ANO1: variants seen among roughly 807,000 people sequenced by gnomAD.
The protein encoded by ANO1 is anoctamin 1, also known as anoctamin-1.
Under a neutral mutation model 124.0 loss-of-function variants are expected in ANO1, and 59 were observed. The observed-to-expected ratio is 0.48, with a 90% CI of 0.39 to 0.59. The LOEUF is 0.59. Ranked by LOEUF, ANO1 falls within the 20% of genes least tolerant of loss-of-function variation. The pLI, the probability that ANO1 is intolerant of heterozygous loss-of-function variation, is 0.00. For missense variants in ANO1, 1,059 were observed against 1,328.0 expected, an observed-to-expected ratio of 0.80 and a Z score of 3.15; for synonymous variants, 529 against 532.0, an observed-to-expected ratio of 0.99 and a Z score of 0.08.
chr11:70,026,234 ATGG>A (rs1218915780), intron 1 of ANO1, among the ~76,000 whole-genome samples: 2 of 141,164 alleles, frequency 1.4e-5, no homozygotes, highest in East Asian at 4.2e-4. Flanking sequence ...GACAGTAATG[ATGG>A]TGGTGGTGAT....
At chr11:70,099,848 G>T (rs2045188639) in intron 2 of ANO1, among the ~76,000 whole-genome samples, 1 of 152,154 alleles carries the variant, frequency 6.6e-6, no homozygotes, top group African/African-American at 2.4e-5. Flanking sequence ...CCACACAGGG[G>T]CAGGGCAGGA....
At chr11:69,993,522 G>C (rs1327461809) in intron 1 of ANO1, among the ~76,000 whole-genome samples, 2 of 152,154 alleles carry the variant, frequency 1.3e-5, no homozygotes, top group African/African-American at 4.8e-5. Context: ...AATTGATCAA[G>C]GTGTGTGCTA....
intron 1 of ANO1, among the ~76,000 whole-genome samples, chr11:70,039,117 G>T (rs921340081): frequency 6.6e-6 from 1 of 152,148 alleles, no homozygotes; most frequent in Non-Finnish European, 1.5e-5. Context: ...TGCTGGGAAA[G>T]GTTTTCATCC....
chr11:70,040,694 G>C (rs1420120846), intron 1 of ANO1, among the ~76,000 whole-genome samples: 1 of 152,164 alleles, frequency 6.6e-6, no homozygotes, highest in African/African-American at 2.4e-5. Context: ...AAAATAAAAT[G>C]TGACTATTGG....
chr11:70,042,933 C>T (rs1386408836), intron 1 of ANO1, among the ~76,000 whole-genome samples: 1 of 152,136 alleles, frequency 6.6e-6, no homozygotes, highest in Non-Finnish European at 1.5e-5. Flanking sequence ...CACTCAACAA[C>T]ATAAAATTTT....
chr11:70,180,729 GAA>G (rs1410778888), intron 23 of ANO1, among the ~76,000 whole-genome samples: 18 of 152,078 alleles, frequency 1.2e-4, no homozygotes, highest in African/African-American at 4.4e-4. Flanking sequence ...CAGAGGGAGA[GAA>G]ACACAGAGAT....
At position 70,132,070 on chromosome 11, in the gene ANO1, G is replaced by T. The variant is rs749290561; in HGVS notation, c.1249G>T (p.Ala417Ser). ...PATVFFSVFM[A>S]LWAATFMEHW... is the part of the protein sequence containing the mutation. ...CACGGTCTTCTTCTCTGTCTTCATG[G>T]CCCTCTGGGGTAAGCAGGGCTCCAG... The change falls in exon 11 of 26, where the codon GCC becomes TCC. Residue 417 changes from alanine to serine, a missense_variant. By Grantham distance (99) the Ala-to-Ser change is moderately conservative. Around this residue, in one of 2 missense-constraint regions of ANO1, gnomAD observed 809 missense variants for 1,094.9 expected, o/e 0.74. Transcript: ENST00000355303. 1 of 1,593,200 alleles carries T rather than the reference G, an allele frequency of 6.3e-7. No homozygotes were observed. The highest frequency in any genetic ancestry group is 8.5e-7 in the Non-Finnish European group (1 of 1,173,862).
At chr11:69,975,419 C>T in the ANO1 span, among the ~76,000 whole-genome samples, 1 of 152,222 alleles carries the variant, frequency 6.6e-6, no homozygotes, top group Non-Finnish European at 1.5e-5. Flanking sequence ...CACTAACAGC[C>T]ACAGGCTCTC....
At chr11:70,095,512 T>C (rs1039080793) in intron 2 of ANO1, among the ~76,000 whole-genome samples, 1 of 152,272 alleles carries the variant, frequency 6.6e-6, no homozygotes, top group South Asian at 2.1e-4. Context: ...AAGACCATCA[T>C]TGCACAGCTC....
chr11:69,972,095 G>C, the ANO1 span, among the ~76,000 whole-genome samples: 1 of 149,214 alleles, frequency 6.7e-6, no homozygotes, highest in Non-Finnish European at 1.5e-5. Context: ...AAAATTAGCC[G>C]GAAATCGCTT....
At chr11:69,974,963 G>A in the ANO1 span, among the ~76,000 whole-genome samples, 1 of 151,830 alleles carries the variant, frequency 6.6e-6, no homozygotes, top group Non-Finnish European at 1.5e-5. Flanking sequence ...CAGGGAGAAG[G>A]TGGCCGTCTG....
Position 70,010,179 on chromosome 11 carries a change from G to GTGTGTGTGTA in ANO1, c.58+24014_58+24015insGTGTGTGTAT. The stretch of plus-strand genomic sequence containing the variant: ...TGTGTGTGTGTGCGCGTGTGTGTGT[G>GTGTGTGTGTA]TATATATATATATATATATCACATT... On this transcript the variant is annotated intron_variant, in intron 1 of 27. Coordinates refer to the ANO1 transcript ENST00000531349. 3.0e-3 allele frequency among the ~76,000 whole-genome samples: 255 copies of GTGTGTGTGTA among 83,756 alleles called. 21 individuals carry two copies. The highest frequency in any genetic ancestry group is 6.6e-3 in the South Asian group (14 of 2,106). 54.9% of individuals were successfully genotyped at this position (83,756 alleles called of 152,430 possible).
intron 1 of ANO1, among the ~76,000 whole-genome samples, chr11:70,034,774 G>A (rs1857065447): frequency 6.6e-6 from 1 of 152,136 alleles, no homozygotes; most frequent in African/African-American, 2.4e-5. Flanking sequence ...CTGCACAAGT[G>A]ATAGTTTAAA....
At chr11:70,164,355 A>G (rs574894681) in intron 19 of ANO1, among the ~76,000 whole-genome samples, 1 of 152,342 alleles carries the variant, frequency 6.6e-6, no homozygotes, top group Non-Finnish European at 1.5e-5. Context: ...TGCAGCCTAG[A>G]GGTTCCACTA....
intron 23 of ANO1, among the ~76,000 whole-genome samples, chr11:70,181,495 C>T (rs960422942): frequency 1.3e-5 from 2 of 152,234 alleles, no homozygotes; most frequent in African/African-American, 2.4e-5. Flanking sequence ...GACAAAGGCG[C>T]GCAGGGCCCT....
intron 1 of ANO1, among the ~76,000 whole-genome samples, chr11:70,058,432 G>A (rs573678707): frequency 3.2e-4 from 48 of 152,326 alleles, no homozygotes; most frequent in African/African-American, 9.1e-4. Flanking sequence ...GAGGACAACC[G>A]CAGCTAAAGA....
At chr11:69,983,290 A>G (rs1299249856), upstream of ANO1, among the ~76,000 whole-genome samples, 1 of 152,174 alleles carries the variant, frequency 6.6e-6, no homozygotes, top group African/African-American at 2.4e-5. Context: ...TCAGGGGATG[A>G]GTACCAGTGC....
At chr11:70,146,635 T>C (rs7951548) in intron 11 of ANO1, among the ~76,000 whole-genome samples, 3,572 of 152,246 alleles carry the variant, frequency 0.023, 51 homozygotes, top group Middle Eastern at 0.037. Flanking sequence ...CAATAGGCTG[T>C]CTGCAAGTGG....
At chr11:69,972,109 C>T in the ANO1 span, among the ~76,000 whole-genome samples, 14 of 146,918 alleles carry the variant, frequency 9.5e-5, no homozygotes, top group Non-Finnish European at 1.6e-4. Context: ...ATCGCTTGAA[C>T]CCAGGAGGCA....
Sources: gnomAD v4.1 joint callset for allele counts (sites outside exome capture counted in the v4.1 genomes callset) on GRCh38, gnomAD v4.1.1 for gene constraint, gnomAD v4.1.1 regional missense constraint, MANE v1.5 for transcripts, NCBI Gene and HGNC (gene_info 2026-07-23, HGNC 2026-07-21) for gene names.